Variants in IGF2BP3 observed in about 807,000 individuals in gnomAD.
IGF2BP3 encodes the protein insulin like growth factor 2 mRNA binding protein 3, also known as insulin-like growth factor 2 mRNA-binding protein 3.
IGF2BP3 carries 9 observed loss-of-function variants against 73.8 expected under a neutral mutation model. The ratio of observed to expected loss-of-function variants is 0.12; its 90% CI spans 0.07 to 0.21. The LOEUF (loss-of-function observed/expected upper bound fraction) is 0.21. IGF2BP3 is among the 10% of genes least tolerant of loss of function. IGF2BP3 has a pLI of 1.00. For missense variants in IGF2BP3, 542 were observed against 714.0 expected, an observed-to-expected ratio of 0.76 and a Z score of 2.75; for synonymous variants, 258 against 256.7, an observed-to-expected ratio of 1.01 and a Z score of -0.05.
chr7:23,325,586 C>T (rs1015519009), intron 10 of IGF2BP3, among the ~76,000 whole-genome samples: 3 of 152,038 alleles, frequency 2.0e-5, no homozygotes, highest in Non-Finnish European at 4.4e-5. Flanking sequence ...AAAGTTCATA[C>T]AGAACCAAAA....
intron 10 of IGF2BP3, among the ~76,000 whole-genome samples, chr7:23,321,742 C>G (rs1362638880): frequency 6.6e-6 from 1 of 152,198 alleles, no homozygotes; most frequent in African/African-American, 2.4e-5. Context: ...GGGCAGACTG[C>G]CTCCTCAAGT....
In IGF2BP3 at chr7:23,320,506, G is replaced by A. The variant is rs543767287; in HGVS notation, c.1204-1252C>T. ...TACAGAAGCAGTGCACATAATTTAT[G>A]CATTTTCCACTTTGTTTACCTTCTA... is the stretch of plus-strand genomic sequence containing the variant. On this transcript the variant is annotated intron_variant, in intron 10 of 14. Coordinates refer to ENST00000258729, the MANE Select transcript of IGF2BP3 (RefSeq NM_006547.3). Among the ~76,000 whole-genome samples, 185 of 152,170 alleles carry A rather than the reference G, an allele frequency of 1.2e-3. 4 individuals are homozygous for A. The highest frequency in any genetic ancestry group is 4.4e-3 in the African/African-American group (181 of 41,514).
chr7:23,456,521 G>C (rs918335683), intron 2 of IGF2BP3, among the ~76,000 whole-genome samples: 1 of 152,144 alleles, frequency 6.6e-6, no homozygotes, highest in East Asian at 1.9e-4. Context: ...TTAGCTATAA[G>C]GTATCAGAAC....
chr7:23,361,499 T>C (rs766633218), intron 5 of IGF2BP3, 35 bp downstream of exon 5: 3 of 1,548,352 alleles, frequency 1.9e-6, no homozygotes, highest in South Asian at 2.3e-5. Context: ...TTAACTTAGT[T>C]ATTATATATA....
At chr7:23,458,470 T>A (rs112741891) in intron 2 of IGF2BP3, among the ~76,000 whole-genome samples, 1 of 152,106 alleles carries the variant, frequency 6.6e-6, no homozygotes, top group African/African-American at 2.4e-5. Flanking sequence ...GCTAACAAGC[T>A]GAGACAGACA....
At chr7:23,334,010 C>G (rs1425787689) in intron 10 of IGF2BP3, among the ~76,000 whole-genome samples, 3 of 152,160 alleles carry the variant, frequency 2.0e-5, no homozygotes, top group African/African-American at 4.8e-5. Flanking sequence ...TAAATTGGCT[C>G]TCTGGTACAC....
chr7:23,330,340 A>G (rs931750282), intron 10 of IGF2BP3, among the ~76,000 whole-genome samples: 10 of 148,282 alleles, frequency 6.7e-5, no homozygotes, highest in Admixed American at 4.1e-4. Context: ...TTTATATAAT[A>G]TTTATATTAT....
chr7:23,361,911 A>G (rs1562699971), intron 3 of IGF2BP3, among the ~76,000 whole-genome samples, 170 bp from the exon 4 acceptor site: 1 of 152,172 alleles, frequency 6.6e-6, no homozygotes, highest in Non-Finnish European at 1.5e-5. Context: ...TCACACTCAG[A>G]CTTGTCTCTT....
intron 3 of IGF2BP3, among the ~76,000 whole-genome samples, chr7:23,388,297 G>C (rs1023034377): frequency 7.2e-5 from 11 of 152,106 alleles, no homozygotes; most frequent in African/African-American, 2.7e-4. Context: ...GTATTTACCT[G>C]AGAGAAATGA....
chr7:23,381,658 T>C (rs188032703), intron 3 of IGF2BP3, among the ~76,000 whole-genome samples: 2 of 152,166 alleles, frequency 1.3e-5, no homozygotes, highest in East Asian at 3.9e-4. Flanking sequence ...AACCTCCACC[T>C]CCCAGGTTCA....
At chr7:23,461,272 A>G (rs372252321) in intron 2 of IGF2BP3, among the ~76,000 whole-genome samples, 1 of 151,866 alleles carries the variant, frequency 6.6e-6, no homozygotes, top group Non-Finnish European at 1.5e-5. Flanking sequence ...CCTTCATCCT[A>G]CAGCCATAGG....
At chr7:23,355,454 C>A (rs551500187) in intron 5 of IGF2BP3, among the ~76,000 whole-genome samples, 1 of 152,010 alleles carries the variant, frequency 6.6e-6, no homozygotes, top group Non-Finnish European at 1.5e-5. Flanking sequence ...TGGTCTCGAA[C>A]TCCTGACCTC....
intron 5 of IGF2BP3, among the ~76,000 whole-genome samples, chr7:23,358,061 C>T (rs1260589333): frequency 6.6e-6 from 1 of 152,212 alleles, no homozygotes; most frequent in African/African-American, 2.4e-5. Context: ...CTCTACCTTA[C>T]AGGTATTATG....
In IGF2BP3 at chr7:23,320,779, C is replaced by G. The variant is rs139249653; in HGVS notation, c.1204-1525G>C. On this transcript the variant is annotated intron_variant, in intron 10 of 14. Coordinates refer to ENST00000258729, the MANE Select transcript of IGF2BP3 (RefSeq NM_006547.3). Reference sequence around the variant, plus strand: ...CCTGGGCAACATGGCAAAACCCCATCTCTTCAAAAATTACAAAAATTAGCC... The same window carrying G: ...CCTGGGCAACATGGCAAAACCCCATGTCTTCAAAAATTACAAAAATTAGCC... Among the ~76,000 whole-genome samples the G allele has an allele frequency of 2.0e-5, 3 of 151,124 alleles. No individual in the cohort carries two copies. In the South Asian group the frequency reaches 6.3e-4, roughly 32 times the overall value.
At chr7:23,366,839 T>C (rs1199816582) in intron 3 of IGF2BP3, among the ~76,000 whole-genome samples, 1 of 152,180 alleles carries the variant, frequency 6.6e-6, no homozygotes. Flanking sequence ...ACTTGAACTG[T>C]ACTATAGTAA....
intron 2 of IGF2BP3, among the ~76,000 whole-genome samples, chr7:23,423,656 T>C (rs1040190245): frequency 1.3e-5 from 2 of 152,048 alleles, no homozygotes; most frequent in Non-Finnish European, 2.9e-5. Context: ...TTACACTATA[T>C]GGTGGAGGGG....
At chr7:23,438,669 C>T (rs9969137) in intron 2 of IGF2BP3, among the ~76,000 whole-genome samples, 57,283 of 151,958 alleles carry the variant, frequency 0.38, 11,500 homozygotes, top group African/African-American at 0.49. Context: ...GGACCCCACA[C>T]GCTTATAATG....
Position 23,351,498 on chromosome 7 carries a change from G to A in IGF2BP3, c.490C>T (p.Pro164Ser), listed in dbSNP as rs1360069964. 1.2e-6 allele frequency: 2 copies of A among 1,614,054 alleles called. No homozygotes were observed. The highest frequency in any genetic ancestry group is 1.1e-5 in the South Asian group (1 of 91,078). Residue 164 changes from proline to serine, a missense_variant, in exon 6 of 15, where the codon CCC (proline) becomes TCC (serine). Physicochemically the swap from Pro to Ser is moderately conservative, Grantham distance 74. Around this residue, in one of 2 missense-constraint regions of IGF2BP3, gnomAD observed 239 missense variants for 241.9 expected, o/e 0.99. Coordinates refer to ENST00000258729, the MANE Select transcript of IGF2BP3 (RefSeq NM_006547.3). ...IPDEMAAQQN[P>S]LQQPRGRRGL... Reference sequence around the variant, plus strand: ...CGGCGACCTCGGGGCTGCTGCAAGGGGTTTTGCTGGGCGGCCATTTCATCA... The same window carrying A: ...CGGCGACCTCGGGGCTGCTGCAAGGAGTTTTGCTGGGCGGCCATTTCATCA...
intron 11 of IGF2BP3, among the ~76,000 whole-genome samples, chr7:23,318,755 C>G (rs1179940390): frequency 6.6e-6 from 1 of 152,126 alleles, no homozygotes; most frequent in Non-Finnish European, 1.5e-5. Context: ...AGAAACCTCC[C>G]TAGAAGAAAA....
Sources: allele counts gnomAD v4.1 joint callset (sites outside exome capture counted in the v4.1 genomes callset), GRCh38; gene constraint gnomAD v4.1.1; regional missense constraint gnomAD v4.1.1; transcripts MANE v1.5; gene names NCBI Gene and HGNC (gene_info 2026-07-23, HGNC 2026-07-21).